The following SCOC variants were observed in gnomAD, a reference collection of about 807,000 sequenced individuals.
SCOC encodes the protein short coiled coil protein.
In SCOC, 7 loss-of-function variants were observed where a neutral mutation model predicts 9.9. The ratio of observed to expected loss-of-function variants is 0.71; its 90% confidence interval spans 0.40 to 1.33. SCOC has a LOEUF of 1.33. Ranked by LOEUF, SCOC falls within the 40% of genes most tolerant of loss-of-function variation. The probability of loss-of-function intolerance (pLI) is 0.01; values close to 1 mark genes in which losing one functional copy is unlikely to be tolerated. For synonymous variants in SCOC, 19 were observed against 28.2 expected, an observed-to-expected ratio of 0.67 and a Z score of 1.03; for missense variants, 66 against 89.7, an observed-to-expected ratio of 0.74 and a Z score of 1.07.
chr4:140,334,628 T>C (rs1476212481), intron 1 of SCOC, among the ~76,000 whole-genome samples: 1 of 152,212 alleles, frequency 6.6e-6, no homozygotes, highest in Admixed American at 6.5e-5. Context: ...CTGAACAAAT[T>C]TGTAAGGGTA....
At chr4:140,369,697 T>C (rs911204307), upstream of SCOC, among the ~76,000 whole-genome samples, 2 of 151,974 alleles carry the variant, frequency 1.3e-5, no homozygotes, top group Admixed American at 6.6e-5. Context: ...CCCCATTCTC[T>C]AGGAAAAAAA....
chr4:140,282,759 T>C (rs1472974776), intron 1 of SCOC, among the ~76,000 whole-genome samples: 2 of 152,216 alleles, frequency 1.3e-5, no homozygotes, highest in African/African-American at 4.8e-5. Context: ...GAAAGGTTGA[T>C]TTAATGACAT....
At chr4:140,315,511 A>C (rs1229455951) in intron 1 of SCOC, among the ~76,000 whole-genome samples, 1 of 152,312 alleles carries the variant, frequency 6.6e-6, no homozygotes, top group East Asian at 1.9e-4. Context: ...GTGCTATACT[A>C]AAAGCAAACT....
intron 1 of SCOC, among the ~76,000 whole-genome samples, chr4:140,326,845 A>G (rs754326195): frequency 2.0e-5 from 3 of 152,228 alleles, no homozygotes; most frequent in Admixed American, 1.3e-4. Flanking sequence ...GCTCAATCTG[A>G]TAACATTCAT....
intron 2 of SCOC, chr4:140,366,814 G>GGGAT: frequency 9.3e-7 from 1 of 1,070,540 alleles, no homozygotes; most frequent in East Asian, 2.4e-5. Flanking sequence ...AGGTCCAGAG[G>GGGAT]GGATGTAGCC....
chr4:140,277,716 A>G (rs1268825496), intron 1 of SCOC, among the ~76,000 whole-genome samples: 4 of 152,246 alleles, frequency 2.6e-5, no homozygotes, highest in Non-Finnish European at 5.9e-5. Flanking sequence ...AAAAAAAACA[A>G]TAGGGGCATG....
At chr4:140,338,800 G>A (rs967789597), upstream of SCOC, among the ~76,000 whole-genome samples, 1 of 152,086 alleles carries the variant, frequency 6.6e-6, no homozygotes, top group African/African-American at 2.4e-5. Flanking sequence ...AAATAAAAGA[G>A]GATACAAACA....
intron 1 of SCOC, among the ~76,000 whole-genome samples, chr4:140,307,452 G>C (rs1167250412): frequency 2.0e-5 from 3 of 152,176 alleles, no homozygotes; most frequent in African/African-American, 7.2e-5. Flanking sequence ...GAATACAAGA[G>C]CTAGGGGCTC....
At chr4:140,378,613 A>G (rs1006570171) in intron 1 of SCOC, among the ~76,000 whole-genome samples, 7 of 152,150 alleles carry the variant, frequency 4.6e-5, no homozygotes, top group African/African-American at 1.4e-4. Flanking sequence ...TCACAACTGT[A>G]ATTTACCAGA....
At position 140,269,706 on chromosome 4, in the gene SCOC, G is replaced by A. The variant is rs564209527; in HGVS notation, c.-19+12296G>A. 3.9e-5 allele frequency among the ~76,000 whole-genome samples: 6 copies of A among 152,306 alleles called. No individual in the cohort carries two copies. The South Asian group carries it at 8.3e-4, about 21-fold the overall frequency. Reference sequence around the variant, plus strand: ...TTTGTTATGCAGCAATGGCTAACGAGAACATATTCCTAACTAGACAAGTTC... The same window carrying A: ...TTTGTTATGCAGCAATGGCTAACGAAAACATATTCCTAACTAGACAAGTTC... On this transcript the variant is annotated intron_variant, in intron 1 of 4. Transcript: ENST00000394205.
chr4:140,351,115 G>A (rs920805291), intron 2 of SCOC, among the ~76,000 whole-genome samples: 3 of 151,866 alleles, frequency 2.0e-5, no homozygotes, highest in Admixed American at 6.6e-5. Context: ...GCTTAAACCC[G>A]GGAGGTAGAG....
At chr4:140,320,103 C>A (rs895902402) in intron 1 of SCOC, among the ~76,000 whole-genome samples, 1 of 152,154 alleles carries the variant, frequency 6.6e-6, no homozygotes, top group Admixed American at 6.5e-5. Context: ...GATAGGAGGT[C>A]TGCACAAGAT....
chr4:140,358,022 T>C (rs2126544249), intron 2 of SCOC, among the ~76,000 whole-genome samples: 1 of 152,268 alleles, frequency 6.6e-6, no homozygotes, highest in East Asian at 1.9e-4. Flanking sequence ...TTTCTCTCTC[T>C]CTAACGCCTA....
At chr4:140,358,852 A>G (rs913274913) in intron 2 of SCOC, among the ~76,000 whole-genome samples, 2 of 152,202 alleles carry the variant, frequency 1.3e-5, no homozygotes, top group Non-Finnish European at 2.9e-5. Flanking sequence ...ATTAAATGGA[A>G]TCACCATTTC....
chr4:140,372,581 A>G (rs1377017102), upstream of SCOC, among the ~76,000 whole-genome samples: 2 of 152,080 alleles, frequency 1.3e-5, no homozygotes, highest in Admixed American at 6.6e-5. Context: ...ATTCTAGTAA[A>G]TTTCCTCAAA....
intron 1 of SCOC, among the ~76,000 whole-genome samples, chr4:140,281,215 T>C (rs1731088314): frequency 1.3e-5 from 2 of 151,534 alleles, no homozygotes; most frequent in Middle Eastern, 6.8e-3. Context: ...CCTAGGTTTT[T>C]TCCCCCAAGT....
At chr4:140,323,156 G>A (rs913598456) in intron 1 of SCOC, among the ~76,000 whole-genome samples, 3 of 152,168 alleles carry the variant, frequency 2.0e-5, no homozygotes, top group Non-Finnish European at 4.4e-5. Flanking sequence ...CATAGGGGCA[G>A]ATACCTCATG....
intron 1 of SCOC, among the ~76,000 whole-genome samples, chr4:140,298,090 T>C (rs1043129716): frequency 1.3e-5 from 2 of 152,178 alleles, no homozygotes; most frequent in African/African-American, 2.4e-5. Context: ...GTGCCAGGTA[T>C]TGGGAAGGGG....
At chr4:140,379,751 T>C in intron 3 of SCOC, 99 bp downstream of exon 3, 1 of 824,312 alleles carries the variant, frequency 1.2e-6, no homozygotes, top group Non-Finnish European at 2.0e-6. Context: ...GTATAATTTT[T>C]AAAAGAATGA....
Sources: gnomAD v4.1 joint callset for allele counts (sites outside exome capture counted in the v4.1 genomes callset) on GRCh38, gnomAD v4.1.1 for gene constraint, MANE v1.5 for transcripts, NCBI Gene and HGNC (gene_info 2026-07-23, HGNC 2026-07-21) for gene names.